Variants in RLIM observed in about 807,000 individuals in gnomAD.
The protein encoded by RLIM is E3 ubiquitin-protein ligase RLIM.
A neutral mutation model predicts 34.0 loss-of-function variants in RLIM; 2 were observed. The observed-to-expected ratio is 0.06, with a 90% CI of 0.02 to 0.19. The LOEUF (loss-of-function observed/expected upper bound fraction) is 0.19. Ranked by LOEUF, RLIM falls within the 10% of genes least tolerant of loss-of-function variation. The pLI is 1.00. For missense variants in RLIM, 286 were observed against 479.7 expected (o/e 0.60, Z 3.77); for synonymous variants, 169 against 164.0 (o/e 1.03, Z -0.23).
chrX:74,594,511 A>C, intron 2 of RLIM, 122 bp from the exon 3 acceptor site: 1 of 455,584 alleles, frequency 2.2e-6, no homozygotes, highest in African/African-American at 2.5e-5. Flanking sequence ...TTAAAAGAGA[A>C]AACTTTTTCA....
intron 1 of RLIM, among the ~76,000 whole-genome samples, chrX:74,613,064 G>C (rs1192177878): frequency 9.1e-6 from 1 of 110,457 alleles, no homozygotes; most frequent in African/African-American, 3.3e-5. Context: ...GTTTTAAAAA[G>C]TGGATTGGTC....
intron 2 of RLIM, 56 bp downstream of exon 2, chrX:74,595,753 T>G (rs1326678911): frequency 2.5e-6 from 2 of 793,501 alleles, no homozygotes; most frequent in African/African-American, 6.0e-5. Flanking sequence ...GGTTCAAGCA[T>G]TTTTTTTTAA....
chrX:74,614,396 C>T (rs1330537499), intron 1 of RLIM, 26 bp downstream of exon 1: 1 of 112,203 alleles, frequency 8.9e-6, no homozygotes, highest in Non-Finnish European at 1.9e-5. Context: ...CATCATTTCT[C>T]ACAGGATTCC....
rs1478654565 is a variant in RLIM at position 74,585,162 on chromosome X, G to A, written c.*6278C>T. ...GCAAGGGAGTGGTCAGAGCAATGGC[G>A]AGAATACAAGAAACAGCAAAGATGC... On this transcript the variant is annotated 3_prime_UTR_variant, in exon 4 of 4. Coordinates refer to ENST00000332687, the MANE Select transcript of RLIM (RefSeq NM_016120.4). The A allele has an allele frequency of 8.9e-6, 1 of 112,142 alleles. No homozygotes were observed. The highest frequency in any genetic ancestry group is 3.2e-5 in the African/African-American group (1 of 30,846). 9.2% of individuals were successfully genotyped at this position (112,142 alleles called of 1,213,427 possible). A position where few individuals can be genotyped will look rare whatever the true frequency, so the allele number is the denominator to read the frequency against.
At chrX:74,609,505 A>C (rs1167925685) in intron 1 of RLIM, among the ~76,000 whole-genome samples, 7 of 104,378 alleles carry the variant, frequency 6.7e-5, no homozygotes, top group African/African-American at 2.3e-4. Flanking sequence ...AAAAAAAAAA[A>C]AAAAAAAAAA....
At chrX:74,593,806 G>T (rs1160979624) in intron 3 of RLIM, among the ~76,000 whole-genome samples, 1 of 112,271 alleles carries the variant, frequency 8.9e-6, no homozygotes, top group African/African-American at 3.2e-5. Flanking sequence ...TGGTACTACT[G>T]ACATTTTAAG....
At position 74,583,602 on chromosome X, in the gene RLIM, A is replaced by G; in HGVS notation, c.*7838T>C. ...ACTTCTGGAAATAAAACACCTTGAT[A>G]CCGTTTGCCCTAGGGCTGATTACAA... On this transcript the variant is annotated 3_prime_UTR_variant, in exon 4 of 4. Transcript: ENST00000332687. The G allele has an allele frequency of 2.2e-6, 1 of 462,561 alleles. No individual in the cohort carries two copies. 38.1% of individuals were successfully genotyped at this position (462,561 alleles called of 1,213,427 possible). A position where few individuals can be genotyped will look rare whatever the true frequency, so the allele number is the denominator to read the frequency against.
rs1304878731 is a variant in RLIM at position 74,584,415 on chromosome X, CTAATT to C, written c.*7020_*7024del. Among the ~76,000 whole-genome samples, 17 of 112,160 alleles carry C rather than the reference CTAATT, an allele frequency of 1.5e-4. No individual in the cohort carries two copies. The highest frequency in any genetic ancestry group is 2.3e-4 in the African/African-American group (7 of 30,829). ...CCTGACAGCAACCAGAAAAGTTTAG[CTAATT>C]TAATTATAGTTAGTAATCCATGCAA... is the stretch of plus-strand genomic sequence containing the variant. On this transcript the variant is annotated 3_prime_UTR_variant, in exon 4 of 4. Transcript: ENST00000332687.
intron 1 of RLIM, among the ~76,000 whole-genome samples, chrX:74,596,885 A>G (rs1049919640): frequency 8.9e-6 from 1 of 111,735 alleles, no homozygotes; most frequent in Non-Finnish European, 1.9e-5. Flanking sequence ...TCAAACAAAG[A>G]GAAAAGTGGA....
Position 74,592,382 on chromosome X carries a change from T to A in RLIM, c.933A>T (p.Gly311=), listed in dbSNP as rs201049980. Residue 311 remains glycine (G), a synonymous_variant, in exon 4 of 4, where the codon GGA becomes GGT. Transcript: ENST00000332687. ...SDTAASGEST[G]SGQRPPTIVL... is the part of the protein sequence containing the mutation. ...CTATGGTTGGAGGTCTCTGTCCTGA[T>A]CCTGTAGATTCACCACTGGCAGCTG... The A allele has an allele frequency of 2.6e-4, 315 of 1,209,886 alleles. No homozygotes were observed. The highest frequency in any genetic ancestry group is 3.5e-4 in the Non-Finnish European group (309 of 895,215).
In RLIM at chrX:74,583,212, A is replaced by T; in HGVS notation, c.*8228T>A. ...ATGGAGTGACTCTGGAGACTTGAGC[A>T]TATGAAGAAGTTCTGAATTATCAAT... On this transcript the variant is annotated 3_prime_UTR_variant, in exon 4 of 4. Transcript: ENST00000332687. The T allele has an allele frequency of 9.4e-7, 1 of 1,068,906 alleles. No individual in the cohort carries two copies. The highest frequency in any genetic ancestry group is 1.3e-6 in the Non-Finnish European group (1 of 764,539). The allele number at this position is 1,068,906 out of a possible 1,213,427, so 88.1% of individuals were successfully genotyped here. A position where few individuals can be genotyped will look rare whatever the true frequency, so the allele number is the denominator to read the frequency against.
chrX:74,611,230 A>G (rs1377943867), intron 1 of RLIM, among the ~76,000 whole-genome samples: 1 of 111,856 alleles, frequency 8.9e-6, no homozygotes, highest in Non-Finnish European at 1.9e-5. Context: ...CATCCACTCT[A>G]TGGTAAATGA....
chrX:74,605,993 T>C (rs1482026407), intron 1 of RLIM, among the ~76,000 whole-genome samples: 1 of 111,850 alleles, frequency 8.9e-6, no homozygotes, highest in African/African-American at 3.3e-5. Context: ...CCTCCCAACA[T>C]ATCCCAAGAC....
At chrX:74,611,658 C>T (rs1370883869) in intron 1 of RLIM, among the ~76,000 whole-genome samples, 3 of 112,060 alleles carry the variant, frequency 2.7e-5, no homozygotes, top group African/African-American at 9.7e-5. Flanking sequence ...TCTGATGCAA[C>T]ATAACCTACA....
chrX:74,614,574 G>A lies in RLIM; in HGVS notation c.-176C>T, dbSNP rs1485457283. On this transcript the variant is annotated 5_prime_UTR_variant, in exon 1 of 4. Coordinates refer to ENST00000332687, the MANE Select transcript of RLIM (RefSeq NM_016120.4). Reference sequence around the variant, plus strand: ...AGCGCCTGCTCGGAGACGTTGCTCAGGCAGCCATTATCTTCCCCATTGTTA... The same window carrying A: ...AGCGCCTGCTCGGAGACGTTGCTCAAGCAGCCATTATCTTCCCCATTGTTA... 1 of 112,179 alleles carries A rather than the reference G, an allele frequency of 8.9e-6. No individual in the cohort carries two copies. Among genetic ancestry groups the A allele is most frequent in the African/African-American group, 3.2e-5 (1 of 30,829 alleles). 9.2% of individuals were successfully genotyped at this position (112,179 alleles called of 1,213,427 possible). A position where few individuals can be genotyped will look rare whatever the true frequency, so the allele number is the denominator to read the frequency against.
At chrX:74,603,934 C>A (rs1343660445) in intron 1 of RLIM, among the ~76,000 whole-genome samples, 4 of 109,998 alleles carry the variant, frequency 3.6e-5, no homozygotes, top group Non-Finnish European at 7.6e-5. Flanking sequence ...CATAGTGAAA[C>A]CCCGTCTCTA....
intron 2 of RLIM, 59 bp downstream of exon 2, chrX:74,595,750 G>A: frequency 1.1e-6 from 1 of 910,521 alleles, no homozygotes; most frequent in South Asian, 2.8e-5. Flanking sequence ...ACAGGTTCAA[G>A]CATTTTTTTT....
At chrX:74,609,487 CAAAAAAAA>C (rs752008137) in intron 1 of RLIM, among the ~76,000 whole-genome samples, 2 of 32,797 alleles carry the variant, frequency 6.1e-5, no homozygotes, top group East Asian at 1.6e-3. Flanking sequence ...GACTCCGTTT[CAAAAAAAA>C]AAAAAAAAAA....
chrX:74,604,738 T>C lies in RLIM; in HGVS notation c.-23-8738A>G, dbSNP rs150242338. 1.1e-3 allele frequency among the ~76,000 whole-genome samples: 126 copies of C among 111,642 alleles called. 1 individual carries two copies. In the East Asian group the frequency reaches 0.03, roughly 27 times the overall value. ...ACTGATTTCAGAGATTTTTGAATCC[T>C]AAACAGCTCCTGCTTGATGAGCTTG... On this transcript the variant is annotated intron_variant, in intron 1 of 3. Coordinates refer to ENST00000332687, the MANE Select transcript of RLIM (RefSeq NM_016120.4).
Sources: allele counts gnomAD v4.1 joint callset (sites outside exome capture counted in the v4.1 genomes callset), GRCh38; gene constraint gnomAD v4.1.1; transcripts MANE v1.5; gene names NCBI Gene and HGNC (gene_info 2026-07-23, HGNC 2026-07-21).